The following LIN7A variants were observed in gnomAD, a reference collection of about 807,000 sequenced individuals.
LIN7A encodes protein lin-7 homolog A.
Under a neutral mutation model 29.8 loss-of-function variants are expected in LIN7A, and 25 were observed. That is an observed-to-expected ratio of 0.84 (90% CI 0.61 to 1.17). LIN7A has a LOEUF of 1.17. LIN7A is among the 50% of genes most tolerant of loss of function. The probability of loss-of-function intolerance (pLI) is 0.00; values close to 1 mark genes in which losing one functional copy is unlikely to be tolerated. For missense variants in LIN7A, 239 were observed against 287.0 expected, an observed-to-expected ratio of 0.83 and a Z score of 1.21; for synonymous variants, 118 against 107.5, an observed-to-expected ratio of 1.10 and a Z score of -0.60.
chr12:80,920,831 G>C (rs1397138228), intron 1 of LIN7A, among the ~76,000 whole-genome samples: 1 of 152,084 alleles, frequency 6.6e-6, no homozygotes, highest in African/African-American at 2.4e-5. Flanking sequence ...ATAAAACTAA[G>C]CAAAAAACAG....
At chr12:80,900,016 C>T (rs187602107) in intron 1 of LIN7A, among the ~76,000 whole-genome samples, 1 of 152,018 alleles carries the variant, frequency 6.6e-6, no homozygotes, top group East Asian at 1.9e-4. Flanking sequence ...ATCTGCCCGC[C>T]TCGGCCTCCC....
intron 1 of LIN7A, among the ~76,000 whole-genome samples, chr12:80,897,309 T>A (rs1249297662): frequency 2.0e-5 from 3 of 152,196 alleles, no homozygotes; most frequent in African/African-American, 7.2e-5. Flanking sequence ...TGTTTTTACA[T>A]CCTTACAGCC....
In LIN7A at chr12:80,848,234, A is replaced by T. The variant is rs374190052; in HGVS notation, c.273+17T>A. The T allele has an allele frequency of 5.6e-6, 9 of 1,599,872 alleles. No individual in the cohort carries two copies. In the Admixed American group the frequency reaches 8.3e-5, roughly 15 times the overall value. On this transcript the variant is annotated intron_variant, in intron 3 of 5. Transcript: ENST00000552864. ...TAACTGGGGTCAAGTATATTTTTAA[A>T]GTTACTCAAGCCTTACCTTTGCTGT...
intron 1 of LIN7A, among the ~76,000 whole-genome samples, chr12:80,920,318 T>C (rs1413523422): frequency 6.6e-6 from 1 of 152,230 alleles, no homozygotes. Context: ...AAGCCATTTT[T>C]AAGTCTCAAG....
chr12:80,847,603 A>G (rs949041743), intron 3 of LIN7A, among the ~76,000 whole-genome samples: 5 of 152,212 alleles, frequency 3.3e-5, no homozygotes, highest in African/African-American at 9.7e-5. Flanking sequence ...GAAGAGCTGC[A>G]TCAGTGATTT....
intron 3 of LIN7A, 117 bp from the exon 4 acceptor site, chr12:80,846,056 G>A (rs1873063436): frequency 2.1e-5 from 18 of 837,876 alleles, no homozygotes; most frequent in Non-Finnish European, 2.9e-5. Flanking sequence ...GTATTCTCCT[G>A]TGAAAGAAAG....
rs191131053 is a variant in LIN7A, at chr12:80,823,920, G to T, written c.484-12237C>A. Among the ~76,000 whole-genome samples the T allele has an allele frequency of 5.9e-5, 9 of 152,250 alleles. No individual in the cohort carries two copies. In the East Asian group the frequency reaches 1.7e-3, roughly 29 times the overall value. On this transcript the variant is annotated intron_variant, in intron 4 of 5. Coordinates refer to ENST00000552864, the MANE Select transcript of LIN7A (RefSeq NM_004664.4). ...TAGCATTAAATGCCTACATCAAAAA[G>T]TCTGAAAGAGCACAAATAGACAATC... is the stretch of plus-strand genomic sequence containing the variant.
chr12:80,879,394 G>A (rs923641016), intron 2 of LIN7A, among the ~76,000 whole-genome samples: 3 of 151,952 alleles, frequency 2.0e-5, no homozygotes, highest in African/African-American at 7.3e-5. Context: ...GTTTGCATTT[G>A]TCATTGAGTT....
intron 4 of LIN7A, among the ~76,000 whole-genome samples, chr12:80,839,893 G>A (rs1275658311): frequency 6.6e-6 from 1 of 152,186 alleles, no homozygotes; most frequent in Non-Finnish European, 1.5e-5. Flanking sequence ...TTAGCAATCT[G>A]TATACACTGT....
At position 80,811,484 on chromosome 12, in the gene LIN7A, T is replaced by C; in HGVS notation, c.683A>G (p.Gln228Arg). Residue 228 changes from glutamine (Q) to arginine (R), a missense_variant, in exon 5 of 6, where the codon CAA (glutamine) becomes CGA (arginine). Physicochemically the swap from Gln to Arg is conservative, Grantham distance 43 (BLOSUM62 1). Transcript: ENST00000552864. Reference protein sequence around the residue: ...QQQQQQQQQTQQNHMS With the variant: ...QQQQQQQQQTRQNHMS ...TCTCACCTATGACATGTGGTTTTGT[T>C]GTGTTTGTTGCTGCTGCTGCTGTTG... 2 of 1,493,524 alleles carry C rather than the reference T, an allele frequency of 1.3e-6. No individual in the cohort carries two copies. Among genetic ancestry groups the C allele is most frequent in the South Asian group, 1.2e-5 (1 of 86,022 alleles). The allele number at this position is 1,493,524 out of a possible 1,614,324, so 92.5% of individuals were successfully genotyped here. A position where few individuals can be genotyped will look rare whatever the true frequency, so the allele number is the denominator to read the frequency against.
At chr12:80,887,697 T>A (rs1327764277) in intron 2 of LIN7A, among the ~76,000 whole-genome samples, 1 of 152,112 alleles carries the variant, frequency 6.6e-6, no homozygotes, top group Non-Finnish European at 1.5e-5. Context: ...ACTCTGATAT[T>A]GTATTGTATA....
At chr12:80,882,171 G>A (rs1416649505) in intron 2 of LIN7A, among the ~76,000 whole-genome samples, 1 of 151,502 alleles carries the variant, frequency 6.6e-6, no homozygotes, top group African/African-American at 2.4e-5. Flanking sequence ...ATATATAGGA[G>A]TGAAATTATA....
chr12:80,856,233 T>C (rs1187789348), intron 2 of LIN7A, among the ~76,000 whole-genome samples: 2 of 152,196 alleles, frequency 1.3e-5, no homozygotes, highest in African/African-American at 4.8e-5. Context: ...GTACTATCTT[T>C]CTACATTTCT....
At chr12:80,921,377 T>G (rs1185807673) in intron 1 of LIN7A, among the ~76,000 whole-genome samples, 1 of 151,344 alleles carries the variant, frequency 6.6e-6, no homozygotes, top group Non-Finnish European at 1.5e-5. Context: ...TGCCATACAC[T>G]GAGTGGCTTA....
rs1870287175 is a variant in LIN7A at position 80,793,211 on chromosome 12, A to C, written c.*4516T>G. 1 of 152,180 alleles carries C rather than the reference A, an allele frequency of 6.6e-6. No homozygotes were observed. Among genetic ancestry groups the C allele is most frequent in the African/African-American group, 2.4e-5 (1 of 41,450 alleles). The allele number at this position is 152,180 out of a possible 1,614,324, so 9.4% of individuals were successfully genotyped here. ...TTCAGTTTTTGTATCTATAAAATGGAACCTACTGAATAGAGTTGTTGAAGG... is the reference window on the plus strand; with the variant it reads ...TTCAGTTTTTGTATCTATAAAATGGCACCTACTGAATAGAGTTGTTGAAGG... On this transcript the variant is annotated 3_prime_UTR_variant, in exon 6 of 6. Coordinates refer to ENST00000552864, the MANE Select transcript of LIN7A (RefSeq NM_004664.4).
Position 80,807,063 on chromosome 12 carries a change from G to GTTTTTTTTTTTTTTTTTTTTT in LIN7A, c.*4381_*4401dup, listed in dbSNP as rs71094991. ...CCATAGGAAATTTAATGAAGATGGA[G>GTTTTTTTTTTTTTTTTTTTTT]TTTTTTTTTTTTTTTTTTTTTTTTT... On this transcript the variant is annotated intron_variant, in intron 5 of 5. Coordinates refer to ENST00000552864, the MANE Select transcript of LIN7A (RefSeq NM_004664.4). Among the ~76,000 whole-genome samples, 48 of 53,560 alleles carry GTTTTTTTTTTTTTTTTTTTTT rather than the reference G, an allele frequency of 9.0e-4. 3 individuals carry two copies. Among genetic ancestry groups the GTTTTTTTTTTTTTTTTTTTTT allele is most frequent in the African/African-American group, 3.6e-3 (41 of 11,516 alleles). 35.1% of individuals were successfully genotyped at this position (53,560 alleles called of 152,430 possible). A position where few individuals can be genotyped will look rare whatever the true frequency, so the allele number is the denominator to read the frequency against.
rs139353413 is a variant in LIN7A at position 80,908,942 on chromosome 12, A to G, written c.83-19573T>C. 1.0e-3 allele frequency among the ~76,000 whole-genome samples: 156 copies of G among 151,838 alleles called. 1 individual carries two copies. Among genetic ancestry groups the G allele is most frequent in the East Asian group, 8.3e-3 (43 of 5,174 alleles). ...ATATTTTCTCCTAATCTCGTCTTTT[A>G]ATTTTCTTAATGTTATCTTTTAAAG... On this transcript the variant is annotated intron_variant, in intron 1 of 5. Transcript: ENST00000552864.
intron 5 of LIN7A, among the ~76,000 whole-genome samples, chr12:80,811,205 A>G (rs1871268874): frequency 6.6e-6 from 1 of 152,202 alleles, no homozygotes; most frequent in Non-Finnish European, 1.5e-5. Context: ...CTTTCAAAGT[A>G]TATCATTTTC....
At chr12:80,936,717 A>T (rs1332021053) in intron 1 of LIN7A, 1 of 109,014 alleles carries the variant, frequency 9.2e-6, no homozygotes, top group African/African-American at 3.3e-5. Flanking sequence ...ATCGCAGCGG[A>T]GGACTCCATC....
Sources: allele counts gnomAD v4.1 joint callset (sites outside exome capture counted in the v4.1 genomes callset), GRCh38; gene constraint gnomAD v4.1.1; transcripts MANE v1.5; gene names NCBI Gene and HGNC (gene_info 2026-07-23, HGNC 2026-07-21).